MYO10: variants seen among roughly 807,000 people sequenced by gnomAD.
MYO10 encodes myosin X, also known as unconventional myosin-X.
Under a neutral mutation model 257.3 loss-of-function variants are expected in MYO10, and 133 were observed. The ratio of observed to expected loss-of-function variants is 0.52; its 90% CI spans 0.45 to 0.60. The LOEUF (loss-of-function observed/expected upper bound fraction) is 0.60. Ranked by LOEUF, MYO10 falls within the 20% of genes least tolerant of loss-of-function variation. The pLI, the probability that MYO10 is intolerant of heterozygous loss-of-function variation, is 0.00. For synonymous variants in MYO10, 1,104 were observed against 1,028.6 expected (o/e 1.07, Z -1.40); for missense variants, 2,399 against 2,635.7 (o/e 0.91, Z 1.97).
intron 15 of MYO10, 84 bp downstream of exon 15, chr5:16,762,461 C>T (rs1413492751): frequency 1.8e-6 from 2 of 1,085,118 alleles, no homozygotes; most frequent in Non-Finnish European, 2.7e-6. Flanking sequence ...ACAGTTGGGC[C>T]AGCGGACTGA....
chr5:16,900,724 T>A (rs1745352787), intron 1 of MYO10, among the ~76,000 whole-genome samples: 1 of 144,320 alleles, frequency 6.9e-6, no homozygotes. Flanking sequence ...CTCCCAAAAG[T>A]ACACACCTCC....
Position 16,844,906 on chromosome 5 carries a change from C to G in MYO10, c.121-26739G>C, listed in dbSNP as rs532072299. Among the ~76,000 whole-genome samples, 35 of 151,724 alleles carry G rather than the reference C, an allele frequency of 2.3e-4. No individual in the cohort carries two copies. In the South Asian group the frequency reaches 7.1e-3, roughly 31 times the overall value. On this transcript the variant is annotated intron_variant, in intron 2 of 40. Transcript: ENST00000513610. ...CAGTAAAATTTGTTAAACTCTCCAA[C>G]AAGATTTTATTCCAACAAAGTAATT...
chr5:16,801,021 G>C (rs540678798), intron 3 of MYO10, among the ~76,000 whole-genome samples: 30 of 151,834 alleles, frequency 2.0e-4, no homozygotes, highest in Non-Finnish European at 4.3e-4. Flanking sequence ...TAAAAGTTAC[G>C]TGCACCCTAG....
At chr5:16,878,896 GATGGGTGCGCCAGA>G (rs1744677307) in intron 1 of MYO10, among the ~76,000 whole-genome samples, 1 of 151,634 alleles carries the variant, frequency 6.6e-6, no homozygotes, top group African/African-American at 2.4e-5. Context: ...CTGTTCGGGT[GATGGGTGCGCCAGA>G]ATCTCAGAAA....
At chr5:16,670,498 A>G in intron 39 of MYO10, 28 bp downstream of exon 39, 2 of 1,563,708 alleles carry the variant, frequency 1.3e-6, no homozygotes, top group Non-Finnish European at 1.7e-6. Flanking sequence ...CACCCAGCCC[A>G]CCCCAACACA....
chr5:16,840,435 ATG>A lies in MYO10; in HGVS notation c.121-22270_121-22269del, dbSNP rs1216472112. 4.9e-3 allele frequency among the ~76,000 whole-genome samples: 557 copies of A among 112,584 alleles called. 4 individuals are homozygous for A. The highest frequency in any genetic ancestry group is 0.014 in the Middle Eastern group (3 of 216). 73.9% of individuals were successfully genotyped at this position (112,584 alleles called of 152,430 possible). A position where few individuals can be genotyped will look rare whatever the true frequency, so the allele number is the denominator to read the frequency against. ...TCTGAATGAATGAATGAATGAATGA[ATG>A]AATGAATGAAAGAAAGAAACAGAAG... On this transcript the variant is annotated intron_variant, in intron 2 of 40. Transcript: ENST00000513610.
chr5:16,760,208 T>C (rs1484719883), intron 17 of MYO10, among the ~76,000 whole-genome samples: 1 of 151,396 alleles, frequency 6.6e-6, no homozygotes, highest in East Asian at 1.9e-4. Flanking sequence ...TCCCAGCACT[T>C]TGGGAGGCCG....
chr5:16,713,726 T>G (rs776569989), intron 19 of MYO10, among the ~76,000 whole-genome samples: 1 of 151,974 alleles, frequency 6.6e-6, no homozygotes, highest in African/African-American at 2.4e-5. Context: ...TTTCCATTGG[T>G]GGTTTTCTTT....
chr5:16,779,485 CTG>C, intron 9 of MYO10, 58 bp downstream of exon 9: 1 of 1,011,598 alleles, frequency 9.9e-7, no homozygotes, highest in Admixed American at 3.1e-5. Flanking sequence ...AAAATGAAAT[CTG>C]TTACTCTTAA....
chr5:16,670,501 C>A (rs902315078), intron 39 of MYO10, 25 bp downstream of exon 39: 10 of 1,573,284 alleles, frequency 6.4e-6, no homozygotes, highest in Non-Finnish European at 5.2e-6. Flanking sequence ...CCAGCCCACC[C>A]CAACACACGG....
intron 1 of MYO10, among the ~76,000 whole-genome samples, chr5:16,901,082 A>G (rs976812415): frequency 2.0e-5 from 3 of 151,994 alleles, no homozygotes; most frequent in Non-Finnish European, 4.4e-5. Flanking sequence ...AGCAGCCTGT[A>G]GACTGTGCAT....
intron 39 of MYO10, among the ~76,000 whole-genome samples, chr5:16,668,711 G>A (rs934079197): frequency 3.9e-5 from 6 of 152,136 alleles, no homozygotes; most frequent in Admixed American, 1.3e-4. Context: ...CTAACATCTT[G>A]CTTTGACTCT....
chr5:16,803,453 A>G (rs950090157), intron 3 of MYO10, among the ~76,000 whole-genome samples: 3 of 152,310 alleles, frequency 2.0e-5, no homozygotes, highest in Middle Eastern at 3.4e-3. Flanking sequence ...CAGCATACAC[A>G]CCTTCAAATT....
intron 1 of MYO10, among the ~76,000 whole-genome samples, chr5:16,929,523 C>T (rs112332663): frequency 6.6e-6 from 1 of 152,110 alleles, no homozygotes; most frequent in Non-Finnish European, 1.5e-5. Flanking sequence ...TCCTGGCTAT[C>T]GTTTTCTAGC....
chr5:16,698,498 TC>T (rs368433471), intron 26 of MYO10, among the ~76,000 whole-genome samples: 161 of 152,220 alleles, frequency 1.1e-3, no homozygotes, highest in African/African-American at 3.8e-3. Context: ...ATGCAAATGC[TC>T]ATCATGAAGT....
intron 1 of MYO10, among the ~76,000 whole-genome samples, chr5:16,882,864 G>A (rs1744793214): frequency 2.0e-5 from 3 of 147,634 alleles, no homozygotes; most frequent in Admixed American, 6.6e-5. Context: ...CACCTATAAT[G>A]GGTGAATTTC....
rs147488446 is a variant in MYO10 at position 16,777,043 on chromosome 5, T to C, written c.930+2502A>G. Among the ~76,000 whole-genome samples, 57 of 152,198 alleles carry C rather than the reference T, an allele frequency of 3.7e-4. 1 individual carries two copies. In the East Asian group the frequency reaches 9.7e-3, roughly 26 times the overall value. On this transcript the variant is annotated intron_variant, in intron 9 of 40. Coordinates refer to ENST00000513610, the MANE Select transcript of MYO10 (RefSeq NM_012334.3). ...GAGAATGAGAATTTATTCTAACACA[T>C]CATCTTTTCAGCAGACAGTAATAAA... is the stretch of plus-strand genomic sequence containing the variant.
chr5:16,824,328 G>A lies in MYO10; in HGVS notation c.121-6161C>T, dbSNP rs543961922. Among the ~76,000 whole-genome samples, 5 of 152,184 alleles carry A rather than the reference G, an allele frequency of 3.3e-5. No individual in the cohort carries two copies. The South Asian group carries it at 8.3e-4, about 25-fold the overall frequency. On this transcript the variant is annotated intron_variant, in intron 2 of 40. Transcript: ENST00000513610. ...GCCCCCGCCACTGCTGGGGACACTC[G>A]ACAACACCTGGAAAGATTTTTGGTT...
chr5:16,777,980 C>G (rs1741273451), intron 9 of MYO10, among the ~76,000 whole-genome samples: 1 of 150,326 alleles, frequency 6.7e-6, no homozygotes, highest in Non-Finnish European at 1.5e-5. Context: ...TCCTAAGTAG[C>G]TGGGACTGCA....
Sources: allele counts gnomAD v4.1 joint callset (sites outside exome capture counted in the v4.1 genomes callset), GRCh38; gene constraint gnomAD v4.1.1; transcripts MANE v1.5; gene names NCBI Gene and HGNC (gene_info 2026-07-23, HGNC 2026-07-21).